The following TONSL variants were observed in gnomAD, a reference collection of about 807,000 sequenced individuals.
The protein encoded by TONSL is tonsoku-like protein.
Under a neutral mutation model 147.1 loss-of-function variants are expected in TONSL, and 112 were observed. That is an observed-to-expected ratio of 0.76 (90% CI 0.65 to 0.89). The LOEUF is 0.89. Ranked by LOEUF, TONSL falls within the 40% of genes least tolerant of loss-of-function variation. The probability of loss-of-function intolerance (pLI) is 0.00; values close to 1 mark genes in which losing one functional copy is unlikely to be tolerated. For missense variants in TONSL, 1,883 were observed against 1,864.6 expected, an observed-to-expected ratio of 1.01 and a Z score of -0.18; for synonymous variants, 868 against 801.5, an observed-to-expected ratio of 1.08 and a Z score of -1.40.
chr8:144,444,377 C>G lies in TONSL; in HGVS notation c.25+13G>C. The G allele has an allele frequency of 9.4e-6, 12 of 1,278,234 alleles. No homozygotes were observed. The highest frequency in any genetic ancestry group is 1.2e-5 in the Non-Finnish European group (12 of 1,010,216). 79.2% of individuals were successfully genotyped at this position (1,278,234 alleles called of 1,614,324 possible). ...TCCGCGCCCCCGGAGGAAGGGGTCC[C>G]CGAGGAACTTACGGCGAAGCTCGCG... On this transcript the variant is annotated intron_variant, in intron 1 of 25. Transcript: ENST00000409379.
At position 144,429,246 on chromosome 8, in the gene TONSL, C is replaced by T. The variant is rs1000801214; in HGVS notation, c.4034G>A (p.Cys1345Tyr). ...GCGCAGGGCGTCCCTGTCCTCAGCG[C>T]AGAGGCGTCTGCTGCACAGCTGCAG... ...RELQLCSRRLCAEDRDALRQL... is the reference protein window; with the variant it reads ...RELQLCSRRLYAEDRDALRQL... The change falls in exon 26 of 26, where the codon TGC (cysteine) becomes TAC (tyrosine). Residue 1345 changes from cysteine to tyrosine, a missense_variant. Physicochemically the swap from Cys to Tyr is radical, Grantham distance 194. Transcript: ENST00000409379. 1.3e-6 allele frequency: 2 copies of T among 1,531,656 alleles called. No homozygotes were observed. Among genetic ancestry groups the T allele is most frequent in the Non-Finnish European group, 8.8e-7 (1 of 1,141,104 alleles). The allele number at this position is 1,531,656 out of a possible 1,614,324, so 94.9% of individuals were successfully genotyped here.
chr8:144,438,919 C>CAGCAGGG, intron 11 of TONSL, 184 bp from the exon 12 acceptor site: 1 of 644,386 alleles, frequency 1.6e-6, no homozygotes, highest in Non-Finnish European at 2.7e-6. Flanking sequence ...CCATGTCTCC[C>CAGCAGGG]TGACCCTGCT....
Position 144,440,353 on chromosome 8 carries a change from G to GCAGCTGGGGACGCTGGGC in TONSL, c.1270_1287dup (p.Ala424_Leu429dup), listed in dbSNP as rs1288359202. The GCAGCTGGGGACGCTGGGC allele has an allele frequency of 6.3e-7, 1 of 1,587,470 alleles. No individual in the cohort carries two copies. The highest frequency in any genetic ancestry group is 1.3e-5 in the African/African-American group (1 of 74,212). Reference sequence around the variant, plus strand: ...ATGGGTGGGATGGGCTCTCGCACCTGCAGCTGGGGACGCTGGGCCTGCTGG... The same window carrying GCAGCTGGGGACGCTGGGC: ...ATGGGTGGGATGGGCTCTCGCACCTGCAGCTGGGGACGCTGGGCCAGCTGGGGACGCTGGGCCTGCTGG... On this transcript the variant is annotated inframe_insertion, in exon 10 of 26. Transcript: ENST00000409379.
chr8:144,436,904 C>T lies in TONSL; in HGVS notation c.1743G>A (p.Leu581=), dbSNP rs777321757. 2 of 1,608,606 alleles carry T rather than the reference C, an allele frequency of 1.2e-6. No individual in the cohort carries two copies. The highest frequency in any genetic ancestry group is 2.2e-5 in the South Asian group (2 of 91,008). ...CGTCCACTGCGGCCCCGTGGTCCAG[C>T]AGGAAGCGGACAATTTCTGCAGACC... ...NYGHLEIVRF[L]LDHGAAVDDP... Residue 581 remains leucine, a synonymous_variant, in exon 15 of 26, where the codon CTG becomes CTA. Coordinates refer to ENST00000409379, the MANE Select transcript of TONSL (RefSeq NM_013432.5).
At chr8:144,440,905 C>G in intron 8 of TONSL, 35 bp from the exon 9 acceptor site, 1 of 1,612,544 alleles carries the variant, frequency 6.2e-7, no homozygotes, top group Non-Finnish European at 8.5e-7. Flanking sequence ...GGGGCTGCCA[C>G]CCTGGCCAGG....
intron 13 of TONSL, chr8:144,437,690 G>A (rs146431886): frequency 0.027 from 4,175 of 153,912 alleles, 78 homozygotes; most frequent in Non-Finnish European, 0.041. Flanking sequence ...CGCAACCTCC[G>A]CCTCCCAGGT....
intron 20 of TONSL, 132 bp downstream of exon 20, chr8:144,434,679 C>G: frequency 1.0e-6 from 1 of 977,128 alleles, no homozygotes; most frequent in South Asian, 1.6e-5. Context: ...GTGCAGGACA[C>G]AGCACCCACC....
At chr8:144,438,843 C>A in intron 11 of TONSL, 108 bp from the exon 12 acceptor site, 2 of 1,196,408 alleles carry the variant, frequency 1.7e-6, no homozygotes, top group Admixed American at 2.0e-5. Context: ...GAGCCAGAGA[C>A]GGGAGGGCTG....
At chr8:144,430,700 G>T (rs530727852) in intron 24 of TONSL, among the ~76,000 whole-genome samples, 163 bp from the exon 25 acceptor site, 1 of 152,320 alleles carries the variant, frequency 6.6e-6, no homozygotes, top group Admixed American at 6.5e-5. Context: ...AGGGTTGGGG[G>T]TCCTTCCCAG....
rs976399202 is a variant in TONSL at position 144,444,196 on chromosome 8, C to T, written c.105G>A (p.Glu35=). 144 of 1,454,010 alleles carry T rather than the reference C, an allele frequency of 9.9e-5. No homozygotes were observed. The highest frequency in any genetic ancestry group is 1.2e-4 in the Non-Finnish European group (132 of 1,106,716). 90.1% of individuals were successfully genotyped at this position (1,454,010 alleles called of 1,614,324 possible). A position where few individuals can be genotyped will look rare whatever the true frequency, so the allele number is the denominator to read the frequency against. ...EEAALCHQLG[E]LLAGHGRYAE... ...GGCGCTCACCATGGCCGGCCAGGAG[C>T]TCCCCCAGCTGGTGGCACAGCGCGG... The change falls in exon 2 of 26, where the codon GAG becomes GAA. Residue 35 remains glutamate, a synonymous_variant. Coordinates refer to ENST00000409379, the MANE Select transcript of TONSL (RefSeq NM_013432.5).
intron 2 of TONSL, 42 bp downstream of exon 2, chr8:144,444,138 G>GGGCCCC: frequency 7.5e-7 from 1 of 1,334,426 alleles, no homozygotes; most frequent in South Asian, 1.9e-5. Flanking sequence ...GCCCGGGCCC[G>GGGCCCC]GGCCCCGGCC....
chr8:144,429,082 C>G lies in TONSL; in HGVS notation c.*61G>C. The G allele has an allele frequency of 6.9e-7, 1 of 1,452,692 alleles. No homozygotes were observed. The highest frequency in any genetic ancestry group is 9.0e-7 in the Non-Finnish European group (1 of 1,106,244). 90.0% of individuals were successfully genotyped at this position (1,452,692 alleles called of 1,614,324 possible). A position where few individuals can be genotyped will look rare whatever the true frequency, so the allele number is the denominator to read the frequency against. On this transcript the variant is annotated 3_prime_UTR_variant, in exon 26 of 26. Coordinates refer to ENST00000409379, the MANE Select transcript of TONSL (RefSeq NM_013432.5). ...GGGATTACAGGCGTGAGCCACCGCG[C>G]CCGGCCAGCAGCTTCATTTATTAGG... is the stretch of plus-strand genomic sequence containing the variant.
At position 144,442,205 on chromosome 8, in the gene TONSL, C is replaced by G. The variant is rs184820758; in HGVS notation, c.750+36G>C. The stretch of plus-strand genomic sequence containing the variant: ...GCAGAATCCCCAAGGCCCGAATCTA[C>G]GAGAGCCTGAGCTCGGAGCCACGCA... On this transcript the variant is annotated intron_variant, in intron 6 of 25. Transcript: ENST00000409379. The G allele has an allele frequency of 3.1e-6, 5 of 1,591,126 alleles. No individual in the cohort carries two copies. In the South Asian group the frequency reaches 5.6e-5, roughly 18 times the overall value.
intron 4 of TONSL, 135 bp downstream of exon 4, chr8:144,443,003 G>T: frequency 8.1e-7 from 1 of 1,241,736 alleles, no homozygotes; most frequent in Non-Finnish European, 1.1e-6. Flanking sequence ...AGCGGGGCAT[G>T]CACCCCTCAC....
In TONSL at chr8:144,429,032, G is replaced by A. The variant is rs1446885972; in HGVS notation, c.*111C>T. The A allele has an allele frequency of 8.0e-6, 10 of 1,254,356 alleles. No individual in the cohort carries two copies. Among genetic ancestry groups the A allele is most frequent in the Non-Finnish European group, 1.1e-5 (10 of 948,730 alleles). 77.7% of individuals were successfully genotyped at this position (1,254,356 alleles called of 1,614,324 possible). A position where few individuals can be genotyped will look rare whatever the true frequency, so the allele number is the denominator to read the frequency against. ...TCTCGATCTCCTGACCTCGTGATCCGCCCGCCTGGGCCTCCCAAAGTGTTG... is the reference window on the plus strand; with the variant it reads ...TCTCGATCTCCTGACCTCGTGATCCACCCGCCTGGGCCTCCCAAAGTGTTG... On this transcript the variant is annotated 3_prime_UTR_variant, in exon 26 of 26. Transcript: ENST00000409379.
chr8:144,440,050 T>C lies in TONSL; in HGVS notation c.1451A>G (p.Glu484Gly), dbSNP rs778401758. ...AAATAESEAL[E>G]AGEVELSEGE... ...CTCTGAGAGCTCCACCTCGCCGGCC[T>C]CCAGGGCTTCGCTCTCCGCTGTGGC... The change falls in exon 11 of 26, where the codon GAG (glutamate) becomes GGG (glycine). Residue 484 changes from glutamate (E) to glycine (G), a missense_variant. Coordinates refer to ENST00000409379, the MANE Select transcript of TONSL (RefSeq NM_013432.5). The C allele has an allele frequency of 4.0e-6, 6 of 1,511,118 alleles. No individual in the cohort carries two copies. In the South Asian group the frequency reaches 5.6e-5, roughly 14 times the overall value. 93.6% of individuals were successfully genotyped at this position (1,511,118 alleles called of 1,614,324 possible).
At position 144,442,405 on chromosome 8, in the gene TONSL, G is replaced by A; in HGVS notation, c.586C>T (p.His196Tyr). The change falls in exon 6 of 26, where the codon CAC (histidine) becomes TAC (tyrosine). Residue 196 changes from histidine (H) to tyrosine (Y), a missense_variant. His to Tyr is a moderately conservative substitution (Grantham distance 83, BLOSUM62 2). Coordinates refer to ENST00000409379, the MANE Select transcript of TONSL (RefSeq NM_013432.5). ...RKSIFLAEQNHLYEDLFRARY... is the reference protein window; with the variant it reads ...RKSIFLAEQNYLYEDLFRARY... ...GCGCGGAATAGGTCCTCGTAAAGGTGGTTCTGCCTGCAGAGGGGTGACGAC... is the reference window on the plus strand; with the variant it reads ...GCGCGGAATAGGTCCTCGTAAAGGTAGTTCTGCCTGCAGAGGGGTGACGAC... 2 of 1,542,390 alleles carry A rather than the reference G, an allele frequency of 1.3e-6. No individual in the cohort carries two copies. Among genetic ancestry groups the A allele is most frequent in the South Asian group, 1.2e-5 (1 of 81,756 alleles).
Position 144,443,190 on chromosome 8 carries a change from C to A in TONSL, c.396G>T (p.Gln132His). 1 of 1,550,806 alleles carries A rather than the reference C, an allele frequency of 6.4e-7. No individual in the cohort carries two copies. Among genetic ancestry groups the A allele is most frequent in the Non-Finnish European group, 8.7e-7 (1 of 1,146,990 alleles). Reference protein sequence around the residue: ...DHCQSRDALLQAQAAFEKSLA... With the variant: ...DHCQSRDALLHAQAAFEKSLA... Reference sequence around the variant, plus strand: ...AGCTCTTCTCAAAGGCAGCCTGTGCCTGCAGCAAAGCATCCCTCGACTGGC... The same window carrying A: ...AGCTCTTCTCAAAGGCAGCCTGTGCATGCAGCAAAGCATCCCTCGACTGGC... Residue 132 changes from glutamine (Q) to histidine (H), a missense_variant, in exon 4 of 26, where the codon CAG becomes CAT. Transcript: ENST00000409379.
At chr8:144,442,943 G>C in intron 4 of TONSL, 137 bp from the exon 5 acceptor site, 2 of 1,308,468 alleles carry the variant, frequency 1.5e-6, no homozygotes, top group East Asian at 5.1e-5. Flanking sequence ...TCCTGCGGCA[G>C]ATGGAGCACA....
Sources: gnomAD v4.1 joint callset for allele counts (sites outside exome capture counted in the v4.1 genomes callset) on GRCh38, gnomAD v4.1.1 for gene constraint, MANE v1.5 for transcripts, NCBI Gene and HGNC (gene_info 2026-07-23, HGNC 2026-07-21) for gene names.